Variants in EPHA6 observed in about 807,000 individuals in gnomAD.
EPHA6 encodes the protein ephrin type-A receptor 6.
EPHA6 carries 50 observed loss-of-function variants against 112.0 expected under a neutral mutation model. The observed-to-expected ratio is 0.45, with a 90% CI of 0.36 to 0.56. EPHA6 has a LOEUF of 0.56. Ranked by LOEUF, EPHA6 falls within the 20% of genes least tolerant of loss-of-function variation. EPHA6 has a pLI of 0.00. For missense variants in EPHA6, 1,280 were observed against 1,417.4 expected (o/e 0.90, Z 1.56); for synonymous variants, 529 against 490.7 (o/e 1.08, Z -1.03).
chr3:96,947,036 T>TC (rs933639477), intron 2 of EPHA6, among the ~76,000 whole-genome samples: 1 of 152,060 alleles, frequency 6.6e-6, no homozygotes, highest in African/African-American at 2.4e-5. Flanking sequence ...GTTTGTTTTT[T>TC]TTTTTGTAGA....
At chr3:97,552,251 A>G (rs1460585866) in intron 11 of EPHA6, among the ~76,000 whole-genome samples, 2 of 152,212 alleles carry the variant, frequency 1.3e-5, no homozygotes, top group Non-Finnish European at 1.5e-5. Flanking sequence ...AAGATAAAAC[A>G]AAATAATGCT....
At chr3:97,092,917 A>G (rs1269005847) in intron 3 of EPHA6, among the ~76,000 whole-genome samples, 3 of 152,138 alleles carry the variant, frequency 2.0e-5, no homozygotes, top group Non-Finnish European at 4.4e-5. Context: ...CAGCTCTCCA[A>G]CACAGCATGA....
intron 13 of EPHA6, among the ~76,000 whole-genome samples, chr3:97,633,798 G>A (rs986084149): frequency 4.6e-5 from 7 of 152,076 alleles, no homozygotes; most frequent in African/African-American, 1.2e-4. Flanking sequence ...TGTTGAGGAA[G>A]ACCAGAAAAA....
intron 2 of EPHA6, among the ~76,000 whole-genome samples, chr3:96,921,474 T>G (rs1006141258): frequency 1.3e-5 from 2 of 152,140 alleles, no homozygotes; most frequent in Admixed American, 6.6e-5. Flanking sequence ...AAATTGGGAA[T>G]GGGTAATCTC....
Position 96,843,890 on chromosome 3 carries a change from G to A in EPHA6, c.386-22935G>A, listed in dbSNP as rs555476256. ...CTCTAACTTGTACTTTTTATTATTT[G>A]AAAAAAACCCAATATTACTCAGTAG... On this transcript the variant is annotated intron_variant, in intron 1 of 17. Coordinates refer to ENST00000389672, the MANE Select transcript of EPHA6 (RefSeq NM_001080448.3). 1.6e-4 allele frequency among the ~76,000 whole-genome samples: 24 copies of A among 151,378 alleles called. 1 individual carries two copies. Among genetic ancestry groups the A allele is most frequent in the African/African-American group, 4.8e-4 (20 of 41,288 alleles).
chr3:97,488,655 T>C (rs960294046), intron 10 of EPHA6, among the ~76,000 whole-genome samples: 1 of 152,228 alleles, frequency 6.6e-6, no homozygotes, highest in South Asian at 2.1e-4. Flanking sequence ...GGTTTCACAA[T>C]TCTCTTTATA....
intron 2 of EPHA6, among the ~76,000 whole-genome samples, chr3:96,964,045 G>T (rs62263706): frequency 0.066 from 9,980 of 151,910 alleles, 368 homozygotes; most frequent in Middle Eastern, 0.12. Flanking sequence ...GTCCTAATAG[G>T]TTTATATATT....
chr3:97,497,680 C>G (rs1335378911), intron 10 of EPHA6, among the ~76,000 whole-genome samples: 1 of 151,930 alleles, frequency 6.6e-6, no homozygotes, highest in Admixed American at 6.6e-5. Flanking sequence ...GTTTATTTAT[C>G]TATTAAATGA....
intron 11 of EPHA6, among the ~76,000 whole-genome samples, chr3:97,555,766 A>T (rs1316707928): frequency 2.0e-5 from 3 of 151,662 alleles, no homozygotes; most frequent in Non-Finnish European, 4.4e-5. Flanking sequence ...CCACTTTTTG[A>T]TGGGGTTGTT....
intron 10 of EPHA6, among the ~76,000 whole-genome samples, chr3:97,500,283 A>AT (rs970147465): frequency 1.3e-4 from 19 of 150,698 alleles, no homozygotes; most frequent in Non-Finnish European, 2.1e-4. Flanking sequence ...GGATAATTTT[A>AT]TTTTTTTTTT....
intron 1 of EPHA6, among the ~76,000 whole-genome samples, chr3:96,837,175 C>G (rs1279375053): frequency 6.6e-6 from 1 of 152,140 alleles, no homozygotes; most frequent in East Asian, 1.9e-4. Context: ...AAGTTATATC[C>G]TAGAAACAGA....
intron 1 of EPHA6, among the ~76,000 whole-genome samples, chr3:96,843,820 A>G (rs1391054268): frequency 1.3e-5 from 2 of 152,082 alleles, no homozygotes; most frequent in Non-Finnish European, 2.9e-5. Flanking sequence ...AACAATGACA[A>G]TAGTTAACAA....
At chr3:97,195,213 C>G (rs2077408382) in intron 3 of EPHA6, among the ~76,000 whole-genome samples, 1 of 151,708 alleles carries the variant, frequency 6.6e-6, no homozygotes, top group Admixed American at 6.6e-5. Flanking sequence ...TATATTCTTG[C>G]TTTTTACTTT....
chr3:96,991,050 TGCGACCATA>T lies in EPHA6; in HGVS notation c.1114+3060_1114+3068del, dbSNP rs201085765. On this transcript the variant is annotated intron_variant, in intron 3 of 17. Coordinates refer to ENST00000389672, the MANE Select transcript of EPHA6 (RefSeq NM_001080448.3). The stretch of plus-strand genomic sequence containing the variant: ...TGTCACCCAGGCTGGAGTGCACTGG[TGCGACCATA>T]GCTCATTCCAATCTTGAACTCCTAG... Among the ~76,000 whole-genome samples the T allele has an allele frequency of 6.8e-4, 103 of 152,122 alleles. 1 individual carries two copies. In the East Asian group the frequency reaches 0.019, roughly 28 times the overall value.
At chr3:97,184,720 A>C (rs2077077083) in intron 3 of EPHA6, among the ~76,000 whole-genome samples, 1 of 152,152 alleles carries the variant, frequency 6.6e-6, no homozygotes, top group African/African-American at 2.4e-5. Flanking sequence ...ACTACTTTAA[A>C]GTTCATATGG....
At chr3:97,646,599 A>T (rs2094066132) in intron 14 of EPHA6, among the ~76,000 whole-genome samples, 1 of 152,096 alleles carries the variant, frequency 6.6e-6, no homozygotes, top group Admixed American at 6.5e-5. Flanking sequence ...TCAGTCCCAA[A>T]AAAGGACTCC....
At chr3:96,976,848 G>A (rs1020173495) in intron 2 of EPHA6, among the ~76,000 whole-genome samples, 37 of 152,142 alleles carry the variant, frequency 2.4e-4, no homozygotes, top group Admixed American at 1.7e-3. Context: ...TCTACTTTTA[G>A]GAGCTTCACA....
chr3:96,831,859 A>T (rs2034103868), intron 1 of EPHA6, among the ~76,000 whole-genome samples: 2 of 152,098 alleles, frequency 1.3e-5, no homozygotes. Context: ...GATTGCCATC[A>T]ACCAGTGCAA....
intron 5 of EPHA6, among the ~76,000 whole-genome samples, chr3:97,289,310 C>A (rs937310358): frequency 2.0e-5 from 3 of 152,016 alleles, no homozygotes; most frequent in Non-Finnish European, 4.4e-5. Flanking sequence ...GCTAGCCACC[C>A]ATCCCAGCAC....
Sources: allele counts gnomAD v4.1 joint callset (sites outside exome capture counted in the v4.1 genomes callset), GRCh38; gene constraint gnomAD v4.1.1; transcripts MANE v1.5; gene names NCBI Gene and HGNC (gene_info 2026-07-23, HGNC 2026-07-21).